The following MACF1 variants were observed in gnomAD, a reference collection of about 807,000 sequenced individuals.
MACF1 encodes the protein microtubule-actin cross-linking factor 1.
MACF1 carries 193 observed loss-of-function variants against 854.8 expected under a neutral mutation model. That is an observed-to-expected ratio of 0.23 (90% CI 0.20 to 0.25). MACF1 has a LOEUF of 0.25. MACF1 is among the 10% of genes least tolerant of loss of function. The pLI is 1.00. For synonymous variants in MACF1, 3,185 were observed against 3,226.7 expected (o/e 0.99, Z 0.44); for missense variants, 7,722 against 8,929.1 (o/e 0.86, Z 5.45).
chr1:39,431,931 G>A (rs1268983820), intron 66 of MACF1, among the ~76,000 whole-genome samples: 1 of 152,180 alleles, frequency 6.6e-6, no homozygotes, highest in Non-Finnish European at 1.5e-5. Flanking sequence ...AGCTATGATT[G>A]TGCTACTGCA....
intron 91 of MACF1, chr1:39,459,799 T>A: frequency 7.7e-7 from 1 of 1,300,870 alleles, no homozygotes; most frequent in East Asian, 5.6e-5. Flanking sequence ...TTGTATTTTT[T>A]TATTTGTGCA....
chr1:39,091,218 G>A (rs1387705396), intron 2 of MACF1, among the ~76,000 whole-genome samples: 4 of 152,216 alleles, frequency 2.6e-5, no homozygotes, highest in Admixed American at 2.6e-4. Context: ...CTCAGTGGAT[G>A]TCTCTGGGAT....
chr1:39,315,505 C>T lies in MACF1; in HGVS notation c.3271-8C>T, dbSNP rs766671463. Reference sequence around the variant, plus strand: ...TCTCCCTCTTTATGTGTGTCTTGTTCCTGGCAGCACACCCAGGAGGATTTA... The same window carrying T: ...TCTCCCTCTTTATGTGTGTCTTGTTTCTGGCAGCACACCCAGGAGGATTTA... On this transcript the variant is annotated splice_polypyrimidine_tract_variant and splice_region_variant and intron_variant, in intron 26 of 100. Transcript: ENST00000564288. 4 of 1,613,338 alleles carry T rather than the reference C, an allele frequency of 2.5e-6. No homozygotes were observed. The highest frequency in any genetic ancestry group is 3.4e-6 in the Non-Finnish European group (4 of 1,179,584).
At position 39,463,600 on chromosome 1, in the gene MACF1, C is replaced by T. The variant is rs1444047408; in HGVS notation, c.21679-12C>T. On this transcript the variant is annotated splice_polypyrimidine_tract_variant and intron_variant, in intron 93 of 100. Transcript: ENST00000564288. Reference sequence around the variant, plus strand: ...TACCCTTTACACTTTCCTTTTTGTTCACACCCAATAGGTTACAAGACAAGT... The same window carrying T: ...TACCCTTTACACTTTCCTTTTTGTTTACACCCAATAGGTTACAAGACAAGT... 6.2e-7 allele frequency: 1 copy of T among 1,608,964 alleles called. No homozygotes were observed. Among genetic ancestry groups the T allele is most frequent in the African/African-American group, 1.3e-5 (1 of 74,858 alleles).
At chr1:39,305,250 G>A (rs1646145523) in intron 23 of MACF1, among the ~76,000 whole-genome samples, 2 of 142,602 alleles carry the variant, frequency 1.4e-5, no homozygotes, top group East Asian at 2.1e-4. Context: ...GACAGAGTGA[G>A]ACTCTGTCTC....
chr1:39,189,018 G>C (rs927822651), intron 2 of MACF1, among the ~76,000 whole-genome samples: 1 of 152,202 alleles, frequency 6.6e-6, no homozygotes, highest in Non-Finnish European at 1.5e-5. Context: ...GATTATAGGC[G>C]TGAGCCATCA....
chr1:39,158,697 G>A (rs887895932), intron 2 of MACF1, among the ~76,000 whole-genome samples: 8 of 152,172 alleles, frequency 5.3e-5, no homozygotes, highest in Admixed American at 1.3e-4. Flanking sequence ...AGGCAGGGGC[G>A]GTTGTGGTCC....
chr1:39,200,095 C>G (rs774366751), upstream of MACF1, among the ~76,000 whole-genome samples: 4 of 152,192 alleles, frequency 2.6e-5, no homozygotes, highest in African/African-American at 4.8e-5. Context: ...GCCATCAAAA[C>G]TGCACTTGTT....
intron 38 of MACF1, among the ~76,000 whole-genome samples, chr1:39,337,906 AC>A (rs1439278686): frequency 6.6e-6 from 1 of 151,876 alleles, no homozygotes; most frequent in African/African-American, 2.4e-5. Flanking sequence ...AGTAGCTGGG[AC>A]TACAGGCGCC....
At chr1:39,190,900 C>T (rs1054155306) in intron 2 of MACF1, among the ~76,000 whole-genome samples, 4 of 151,808 alleles carry the variant, frequency 2.6e-5, no homozygotes, top group Non-Finnish European at 4.4e-5. Flanking sequence ...GGCTGAGGCA[C>T]GAGAATCGCT....
chr1:39,335,301 G>A lies in MACF1; in HGVS notation c.8713G>A (p.Asp2905Asn). 1 of 1,614,018 alleles carries A rather than the reference G, an allele frequency of 6.2e-7. No individual in the cohort carries two copies. The highest frequency in any genetic ancestry group is 8.5e-7 in the Non-Finnish European group (1 of 1,179,972). Residue 2905 changes from aspartate (D) to asparagine (N), a missense_variant, in exon 37 of 101, where the codon GAT becomes AAT. By Grantham distance (23) the Asp-to-Asn change is conservative. Transcript: ENST00000564288. ...AGTGGCTAGAAATAACATGGGAAAT[G>A]ATACAAATGAAGAGCAGGAAAAAGC... ...KEVARNNMGN[D>N]TNEEQEKAVT...
chr1:39,387,007 G>T (rs935670764), intron 57 of MACF1, among the ~76,000 whole-genome samples, 180 bp from the exon 58 acceptor site: 7 of 152,166 alleles, frequency 4.6e-5, no homozygotes, highest in Non-Finnish European at 7.3e-5. Flanking sequence ...ACCTTACAAG[G>T]TTGATACGAG....
intron 63 of MACF1, 69 bp downstream of exon 63, chr1:39,428,356 T>G: frequency 7.1e-7 from 1 of 1,407,602 alleles, no homozygotes. Flanking sequence ...ATGTTTCTCT[T>G]CATTTATTTT....
At chr1:39,284,771 T>C (rs1645612541) in intron 11 of MACF1, among the ~76,000 whole-genome samples, 1 of 152,196 alleles carries the variant, frequency 6.6e-6, no homozygotes, top group Non-Finnish European at 1.5e-5. Flanking sequence ...CCCAGAGAAT[T>C]TGAAGTTGTA....
intron 2 of MACF1, among the ~76,000 whole-genome samples, chr1:39,168,649 C>T (rs12070815): frequency 0.031 from 4,702 of 152,102 alleles, 234 homozygotes; most frequent in African/African-American, 0.11. Context: ...TGTGTTTCTA[C>T]ATTTATCAGC....
At position 39,205,689 on chromosome 1, in the gene MACF1, T is replaced by C. The variant is rs1644442054; in HGVS notation, c.109+558T>C. Among the ~76,000 whole-genome samples the C allele has an allele frequency of 2.6e-5, 4 of 152,270 alleles. No individual in the cohort carries two copies. In the South Asian group the frequency reaches 8.3e-4, roughly 32 times the overall value. ...GGTGTCTGTGTTCTCTTTGATATCA[T>C]TGATACTGTTCCTACACAGTTTGGC... On this transcript the variant is annotated intron_variant, in intron 1 of 100. Coordinates refer to ENST00000564288, the MANE Select transcript of MACF1 (RefSeq NM_001394062.1).
intron 96 of MACF1, 148 bp from the exon 97 acceptor site, chr1:39,469,399 C>A: frequency 3.1e-6 from 2 of 651,262 alleles, no homozygotes; most frequent in South Asian, 3.6e-5. Context: ...AAATCCTCTT[C>A]AGCTATGTCC....
chr1:39,086,069 C>T (rs1477158418), intron 2 of MACF1, among the ~76,000 whole-genome samples: 1 of 152,210 alleles, frequency 6.6e-6, no homozygotes, highest in Non-Finnish European at 1.5e-5. Flanking sequence ...ACAGGGTGCC[C>T]ATCACTCCCT....
chr1:39,291,363 AT>A (rs1333932574), intron 15 of MACF1, among the ~76,000 whole-genome samples: 1 of 152,204 alleles, frequency 6.6e-6, no homozygotes, highest in Non-Finnish European at 1.5e-5. Flanking sequence ...AGTGGTTCAA[AT>A]TTGATATTGC....
Sources: allele counts gnomAD v4.1 joint callset (sites outside exome capture counted in the v4.1 genomes callset), GRCh38; gene constraint gnomAD v4.1.1; transcripts MANE v1.5; gene names NCBI Gene and HGNC (gene_info 2026-07-23, HGNC 2026-07-21).